CTNND2: variants seen among roughly 807,000 people sequenced by gnomAD.
CTNND2 encodes the protein catenin delta-2.
A neutral mutation model predicts 144.4 loss-of-function variants in CTNND2; 22 were observed. That is an observed-to-expected ratio of 0.15 (90% confidence interval 0.11 to 0.22). The LOEUF is 0.22. Among genes scored for constraint, CTNND2 ranks in the 10% least tolerant of loss-of-function variants. The pLI, the probability that CTNND2 is intolerant of heterozygous loss-of-function variation, is 1.00. For synonymous variants in CTNND2, 751 were observed against 695.6 expected (o/e 1.08, Z -1.25); for missense variants, 1,353 against 1,618.8 (o/e 0.84, Z 2.82).
Position 11,411,164 on chromosome 5 carries a change from G to A in CTNND2, c.439+372C>T, listed in dbSNP as rs1434463910. Among the ~76,000 whole-genome samples the A allele has an allele frequency of 2.0e-5, 3 of 152,052 alleles. No individual in the cohort carries two copies. In the South Asian group the frequency reaches 6.2e-4, roughly 32 times the overall value. ...TGGGATTACAGGCGTAAACCACCGCGCCCGGCCAGCATTGATAGTTAATTT... is the reference window on the plus strand; with the variant it reads ...TGGGATTACAGGCGTAAACCACCGCACCCGGCCAGCATTGATAGTTAATTT... On this transcript the variant is annotated intron_variant, in intron 5 of 21. Coordinates refer to ENST00000304623, the MANE Select transcript of CTNND2 (RefSeq NM_001332.4).
chr5:10,993,410 C>T (rs1020118915), intron 18 of CTNND2, among the ~76,000 whole-genome samples: 9 of 152,144 alleles, frequency 5.9e-5, no homozygotes, highest in Admixed American at 3.9e-4. Context: ...ACCCTCTCCA[C>T]CTGAGAGAAC....
In CTNND2 at chr5:11,110,840, G is replaced by A. The variant is rs1425960681; in HGVS notation, c.2463+18C>T. On this transcript the variant is annotated intron_variant, in intron 14 of 21. Coordinates refer to ENST00000304623, the MANE Select transcript of CTNND2 (RefSeq NM_001332.4). Reference sequence around the variant, plus strand: ...AGGAAGGGGATAATTGCATGCAGCTGCAAGCAGCCTGCATCACCTGATCTT... The same window carrying A: ...AGGAAGGGGATAATTGCATGCAGCTACAAGCAGCCTGCATCACCTGATCTT... 6.2e-7 allele frequency: 1 copy of A among 1,602,436 alleles called. No individual in the cohort carries two copies. The highest frequency in any genetic ancestry group is 8.5e-7 in the Non-Finnish European group (1 of 1,174,216).
chr5:11,286,947 T>C (rs1410179394), intron 9 of CTNND2, among the ~76,000 whole-genome samples: 1 of 152,138 alleles, frequency 6.6e-6, no homozygotes, highest in Non-Finnish European at 1.5e-5. Flanking sequence ...AGAGAACAGA[T>C]GAATGCACTG....
chr5:11,795,603 T>C (rs544735491), intron 1 of CTNND2, among the ~76,000 whole-genome samples: 3 of 152,248 alleles, frequency 2.0e-5, no homozygotes, highest in South Asian at 2.1e-4. Context: ...ATGAAAGAAC[T>C]GAACTGCTCT....
At chr5:11,051,813 G>A (rs1474081280) in intron 16 of CTNND2, among the ~76,000 whole-genome samples, 1 of 152,146 alleles carries the variant, frequency 6.6e-6, no homozygotes, top group East Asian at 1.9e-4. Context: ...AGTAAGAGTG[G>A]CATGATCAGA....
chr5:11,498,632 T>G (rs1770220606), intron 3 of CTNND2, among the ~76,000 whole-genome samples: 1 of 152,244 alleles, frequency 6.6e-6, no homozygotes, highest in South Asian at 2.1e-4. Context: ...TCCCATCTTT[T>G]CTAGCAGCTT....
intron 15 of CTNND2, among the ~76,000 whole-genome samples, chr5:11,093,644 A>T (rs1409288267): frequency 6.6e-6 from 1 of 152,160 alleles, no homozygotes; most frequent in Non-Finnish European, 1.5e-5. Context: ...TCCATGCAAA[A>T]TTATAGTATT....
intron 9 of CTNND2, among the ~76,000 whole-genome samples, chr5:11,315,198 T>C (rs548942502): frequency 3.3e-4 from 50 of 152,320 alleles, no homozygotes; most frequent in Admixed American, 1.3e-3. Flanking sequence ...CTCTCCATAC[T>C]ACCTTGTACT....
chr5:11,418,069 G>C (rs560698068), intron 3 of CTNND2, among the ~76,000 whole-genome samples: 57 of 152,084 alleles, frequency 3.7e-4, no homozygotes, highest in South Asian at 2.9e-3. Context: ...GTCTGAACCT[G>C]ATCTAGTTTG....
chr5:11,601,940 C>T (rs1779815938), intron 2 of CTNND2, among the ~76,000 whole-genome samples: 1 of 152,070 alleles, frequency 6.6e-6, no homozygotes, highest in Non-Finnish European at 1.5e-5. Context: ...ACCTGTTCAA[C>T]TCAAATCTGC....
chr5:11,525,777 G>A (rs1397730836), intron 3 of CTNND2, among the ~76,000 whole-genome samples: 1 of 152,220 alleles, frequency 6.6e-6, no homozygotes, highest in African/African-American at 2.4e-5. Flanking sequence ...TGTGTGAAAG[G>A]TGCAGCGATG....
chr5:11,480,335 G>A (rs1387779939), intron 3 of CTNND2, among the ~76,000 whole-genome samples: 3 of 152,156 alleles, frequency 2.0e-5, no homozygotes, highest in Admixed American at 2.0e-4. Flanking sequence ...GCCACTTGGA[G>A]CAGCCTTGGT....
At chr5:11,383,603 T>A (rs983524098) in intron 7 of CTNND2, among the ~76,000 whole-genome samples, 1 of 152,200 alleles carries the variant, frequency 6.6e-6, no homozygotes, top group Non-Finnish European at 1.5e-5. Flanking sequence ...CACTGGCAAT[T>A]ACTGTGCTGA....
rs1175426076 is a variant in CTNND2 at position 11,129,091 on chromosome 5, T to A, written c.2160-11524A>T. On this transcript the variant is annotated intron_variant, in intron 12 of 21. Coordinates refer to ENST00000304623, the MANE Select transcript of CTNND2 (RefSeq NM_001332.4). ...TTATATATAAATAAAATATATATATTATATATAAATAAAATATATATATTA... is the reference window on the plus strand; with the variant it reads ...TTATATATAAATAAAATATATATATAATATATAAATAAAATATATATATTA... Among the ~76,000 whole-genome samples, 2 of 36,930 alleles carry A rather than the reference T, an allele frequency of 5.4e-5. 1 individual carries two copies. Among genetic ancestry groups the A allele is most frequent in the Non-Finnish European group, 1.1e-4 (2 of 18,854 alleles). 24.2% of individuals were successfully genotyped at this position (36,930 alleles called of 152,430 possible).
At chr5:11,369,885 G>A (rs750441253) in intron 7 of CTNND2, among the ~76,000 whole-genome samples, 9 of 152,172 alleles carry the variant, frequency 5.9e-5, no homozygotes, top group East Asian at 1.9e-4. Context: ...GTTCTCAGGC[G>A]GAGGGAACCA....
chr5:11,064,079 A>G (rs1747289881), intron 16 of CTNND2, among the ~76,000 whole-genome samples: 1 of 152,150 alleles, frequency 6.6e-6, no homozygotes, highest in African/African-American at 2.4e-5. Flanking sequence ...AGATGACTTT[A>G]GAACTTCAGG....
At chr5:11,360,353 C>T (rs1756323863) in intron 8 of CTNND2, among the ~76,000 whole-genome samples, 1 of 152,110 alleles carries the variant, frequency 6.6e-6, no homozygotes, top group Non-Finnish European at 1.5e-5. Flanking sequence ...GCAGTTATCT[C>T]CCTGACTATC....
intron 20 of CTNND2, among the ~76,000 whole-genome samples, chr5:10,987,153 C>A (rs10434646): frequency 6.6e-6 from 1 of 151,984 alleles, no homozygotes; most frequent in Non-Finnish European, 1.5e-5. Context: ...CTCAGGGCTC[C>A]GGCAGCTTTG....
rs567968904 is a variant in CTNND2, at chr5:11,768,065, A to AT, written c.38-35794dup. Among the ~76,000 whole-genome samples, 327 of 150,332 alleles carry AT rather than the reference A, an allele frequency of 2.2e-3. 1 individual carries two copies. The highest frequency in any genetic ancestry group is 7.2e-3 in the African/African-American group (294 of 41,024). ...GGAGTTGACCTGCCTTATCACACTA[A>AT]TTTTTTTTTTCTAATTACAGCATTC... On this transcript the variant is annotated intron_variant, in intron 1 of 21. Coordinates refer to ENST00000304623, the MANE Select transcript of CTNND2 (RefSeq NM_001332.4).
Sources: gnomAD v4.1 joint callset for allele counts (sites outside exome capture counted in the v4.1 genomes callset) on GRCh38, gnomAD v4.1.1 for gene constraint, MANE v1.5 for transcripts, NCBI Gene and HGNC (gene_info 2026-07-23, HGNC 2026-07-21) for gene names.